The following CTNNA2 variants were observed in gnomAD, a reference collection of about 807,000 sequenced individuals.
CTNNA2 encodes the protein catenin alpha 2.
A neutral mutation model predicts 101.0 loss-of-function variants in CTNNA2; 42 were observed. The ratio of observed to expected loss-of-function variants is 0.42; its 90% CI spans 0.32 to 0.54. The LOEUF (loss-of-function observed/expected upper bound fraction) is 0.54, where lower values mean the gene tolerates loss of function less well. Among genes scored for constraint, CTNNA2 ranks in the 20% least tolerant of loss-of-function variants. The pLI, the probability that CTNNA2 is intolerant of heterozygous loss-of-function variation, is 0.14. For missense variants in CTNNA2, 871 were observed against 1,223.1 expected (o/e 0.71, Z 4.29); for synonymous variants, 450 against 456.4 (o/e 0.99, Z 0.18).
chr2:79,280,480 TC>T (rs1675333983), intron 2 of CTNNA2, among the ~76,000 whole-genome samples: 1 of 151,974 alleles, frequency 6.6e-6, no homozygotes, highest in Admixed American at 6.6e-5. Flanking sequence ...GGAAAAAATA[TC>T]CCCGGAGCAG....
chr2:79,603,301 C>G (rs1241627206), intron 1 of CTNNA2, among the ~76,000 whole-genome samples: 3 of 152,004 alleles, frequency 2.0e-5, no homozygotes, highest in African/African-American at 7.2e-5. Context: ...TTAGAGAAAA[C>G]TTAGAAGATA....
At chr2:79,523,009 G>T (rs373076830) in intron 1 of CTNNA2, among the ~76,000 whole-genome samples, 1 of 152,246 alleles carries the variant, frequency 6.6e-6, no homozygotes, top group African/African-American at 2.4e-5. Flanking sequence ...CTTTCCCCCC[G>T]TGAGTATATC....
intron 2 of CTNNA2, among the ~76,000 whole-genome samples, chr2:79,232,573 C>G (rs990186919): frequency 6.6e-6 from 1 of 152,094 alleles, no homozygotes; most frequent in African/African-American, 2.4e-5. Context: ...AGGGAGAAAC[C>G]CCTCCCTATC....
chr2:80,408,896 C>T (rs1034813759), intron 8 of CTNNA2, among the ~76,000 whole-genome samples: 1 of 152,184 alleles, frequency 6.6e-6, no homozygotes, highest in African/African-American at 2.4e-5. Flanking sequence ...AGGATCCTCT[C>T]TTTCCTCATC....
chr2:79,909,991 G>A (rs575749758), intron 7 of CTNNA2, among the ~76,000 whole-genome samples, 194 bp downstream of exon 7: 1 of 152,136 alleles, frequency 6.6e-6, no homozygotes, highest in African/African-American at 2.4e-5. Flanking sequence ...TTGTTTGTTT[G>A]TTTTAATATG....
intron 2 of CTNNA2, among the ~76,000 whole-genome samples, chr2:79,685,945 G>A (rs974709683): frequency 6.6e-6 from 1 of 151,978 alleles, no homozygotes; most frequent in Non-Finnish European, 1.5e-5. Context: ...GACCACTGAG[G>A]GGCACATGTG....
At chr2:80,260,134 A>G (rs78976668) in intron 7 of CTNNA2, among the ~76,000 whole-genome samples, 1,816 of 152,238 alleles carry the variant, frequency 0.012, 30 homozygotes, top group African/African-American at 0.04. Context: ...AAATTTTCCT[A>G]GTATCTCAAT....
chr2:79,349,315 C>A (rs766176724), intron 3 of CTNNA2, among the ~76,000 whole-genome samples: 15 of 152,168 alleles, frequency 9.9e-5, no homozygotes, highest in Admixed American at 6.5e-5. Flanking sequence ...GGTTATTGAG[C>A]AGTGTTTCTT....
chr2:80,000,455 AG>A (rs1692865951), intron 7 of CTNNA2, among the ~76,000 whole-genome samples: 1 of 152,184 alleles, frequency 6.6e-6, no homozygotes, highest in South Asian at 2.1e-4. Context: ...AGAAATCTAC[AG>A]TTAGTAGAGC....
At chr2:80,608,036 T>G in intron 16 of CTNNA2, 148 bp from the exon 17 acceptor site, 1 of 603,194 alleles carries the variant, frequency 1.7e-6, no homozygotes, top group South Asian at 4.0e-5. Context: ...CTGTGGCCTT[T>G]CTAAAATGCA....
At chr2:80,036,448 A>T (rs781288072) in intron 7 of CTNNA2, among the ~76,000 whole-genome samples, 4 of 151,904 alleles carry the variant, frequency 2.6e-5, no homozygotes, top group Non-Finnish European at 5.9e-5. Flanking sequence ...TAAATAAGTA[A>T]ATAAAAATTA....
chr2:80,142,524 C>T (rs994906190), intron 7 of CTNNA2, among the ~76,000 whole-genome samples: 2 of 152,140 alleles, frequency 1.3e-5, no homozygotes, highest in African/African-American at 2.4e-5. Context: ...GGAAAGAAGA[C>T]GTAATGAAGC....
In CTNNA2 at chr2:79,951,687, T is replaced by A. The variant is rs112227387; in HGVS notation, c.1056+41890T>A. On this transcript the variant is annotated intron_variant, in intron 7 of 18. Transcript: ENST00000402739. ...CTCAAAAATTAAAAAATAAGATAAG[T>A]TAAAATAAAATAAAATAAAATAAAA... Among the ~76,000 whole-genome samples the A allele has an allele frequency of 3.7e-3, 318 of 86,880 alleles. 1 individual carries two copies. The highest frequency in any genetic ancestry group is 9.4e-3 in the African/African-American group (250 of 26,718). 57.0% of individuals were successfully genotyped at this position (86,880 alleles called of 152,430 possible). A position where few individuals can be genotyped will look rare whatever the true frequency, so the allele number is the denominator to read the frequency against.
chr2:80,632,382 G>A lies in CTNNA2; in HGVS notation c.2574+13154G>A, dbSNP rs186665177. On this transcript the variant is annotated intron_variant, in intron 18 of 18. Transcript: ENST00000402739. ...CCAGATTTAAGGTGGAATCACCAAG[G>A]ACAGGCTCATCAATGAGCTGACAGC... 2.0e-5 allele frequency among the ~76,000 whole-genome samples: 3 copies of A among 152,110 alleles called. No individual in the cohort carries two copies. The East Asian group carries it at 5.8e-4, about 29-fold the overall frequency.
chr2:79,362,249 A>G (rs1313124150), intron 3 of CTNNA2, among the ~76,000 whole-genome samples: 1 of 152,040 alleles, frequency 6.6e-6, no homozygotes, highest in East Asian at 1.9e-4. Flanking sequence ...TTCCAAATGC[A>G]CTCACAAATA....
intron 1 of CTNNA2, among the ~76,000 whole-genome samples, chr2:79,535,880 C>T (rs1419417568): frequency 1.3e-5 from 2 of 152,004 alleles, no homozygotes; most frequent in Non-Finnish European, 2.9e-5. Context: ...GAAAAAAATG[C>T]CAGCCCAATT....
chr2:80,619,944 A>T (rs1168738734), intron 18 of CTNNA2, among the ~76,000 whole-genome samples: 1 of 151,858 alleles, frequency 6.6e-6, no homozygotes, highest in Non-Finnish European at 1.5e-5. Context: ...TATATTGCTG[A>T]TTAGTTCTTT....
intron 5 of CTNNA2, 139 bp from the exon 6 acceptor site, chr2:79,873,937 C>T: frequency 7.4e-7 from 1 of 1,346,166 alleles, no homozygotes; most frequent in Non-Finnish European, 9.9e-7. Context: ...AGAGTATATG[C>T]AAAGGCCTGG....
chr2:79,718,913 AT>A (rs1015232676), intron 2 of CTNNA2, among the ~76,000 whole-genome samples: 6 of 149,828 alleles, frequency 4.0e-5, no homozygotes, highest in East Asian at 2.0e-4. Context: ...TAGTTGTTTG[AT>A]TTTTTTCATT....
Sources: allele counts gnomAD v4.1 joint callset (sites outside exome capture counted in the v4.1 genomes callset), GRCh38; gene constraint gnomAD v4.1.1; transcripts MANE v1.5; gene names NCBI Gene and HGNC (gene_info 2026-07-23, HGNC 2026-07-21).